AGBL1: variants seen among roughly 807,000 people sequenced by gnomAD.
The protein encoded by AGBL1 is AGBL carboxypeptidase 1, also known as cytosolic carboxypeptidase 4.
Under a neutral mutation model 118.9 loss-of-function variants are expected in AGBL1, and 130 were observed. That is an observed-to-expected ratio of 1.09 (90% CI 0.95 to 1.26). AGBL1 has a LOEUF of 1.26. Ranked by LOEUF, AGBL1 falls within the 50% of genes most tolerant of loss-of-function variation. AGBL1 has a pLI of 0.00. For missense variants in AGBL1, 1,584 were observed against 1,298.1 expected, an observed-to-expected ratio of 1.22 and a Z score of -3.38; for synonymous variants, 555 against 478.9, an observed-to-expected ratio of 1.16 and a Z score of -2.08.
At chr15:86,635,525 A>G in intron 21 of AGBL1, among the ~76,000 whole-genome samples, 1 of 151,804 alleles carries the variant, frequency 6.6e-6, no homozygotes, top group Non-Finnish European at 1.5e-5. Context: ...TAACAGACTC[A>G]GCTCAACAAG....
intron 24 of AGBL1, among the ~76,000 whole-genome samples, chr15:86,997,433 G>C (rs137960425): frequency 9.0e-4 from 137 of 152,174 alleles, no homozygotes; most frequent in African/African-American, 3.2e-3. Flanking sequence ...TTCAACATTT[G>C]TTTACATGTC....
chr15:86,166,488 T>C (rs796965778), intron 5 of AGBL1, among the ~76,000 whole-genome samples: 1 of 152,058 alleles, frequency 6.6e-6, no homozygotes, highest in East Asian at 1.9e-4. Flanking sequence ...CTTTGGAGAG[T>C]CTTCCTTGAA....
At chr15:86,117,847 C>T (rs1341909623) in intron 1 of AGBL1, among the ~76,000 whole-genome samples, 5 of 152,168 alleles carry the variant, frequency 3.3e-5, no homozygotes, top group Non-Finnish European at 5.9e-5. Flanking sequence ...AATCCAACCC[C>T]AGGACCTGTG....
intron 19 of AGBL1, among the ~76,000 whole-genome samples, chr15:86,527,315 G>T (rs903788378): frequency 6.6e-6 from 1 of 152,190 alleles, no homozygotes; most frequent in African/African-American, 2.4e-5. Context: ...TAATTGAAGA[G>T]CAGAACATTT....
At chr15:86,868,189 A>T (rs1425340078) in intron 22 of AGBL1, among the ~76,000 whole-genome samples, 2 of 152,244 alleles carry the variant, frequency 1.3e-5, no homozygotes, top group African/African-American at 4.8e-5. Context: ...ACATGAAAAA[A>T]TAGGCAAGAA....
intron 20 of AGBL1, among the ~76,000 whole-genome samples, chr15:86,553,524 G>A (rs1042079272): frequency 6.6e-6 from 1 of 152,204 alleles, no homozygotes; most frequent in Admixed American, 6.5e-5. Flanking sequence ...AGACGAAAAA[G>A]ATCATTCTGG....
At chr15:86,998,082 G>A (rs1035662266) in intron 24 of AGBL1, among the ~76,000 whole-genome samples, 1 of 152,146 alleles carries the variant, frequency 6.6e-6, no homozygotes, top group Non-Finnish European at 1.5e-5. Flanking sequence ...ATTGGGGATT[G>A]TGACAGGCAG....
Position 86,606,126 on chromosome 15 carries a change from CA to C in AGBL1, c.2994+51606del, listed in dbSNP as rs10675845. 2.2e-3 allele frequency among the ~76,000 whole-genome samples: 210 copies of C among 96,860 alleles called. 5 individuals are homozygous for C. Among genetic ancestry groups the C allele is most frequent in the African/African-American group, 8.4e-3 (194 of 23,194 alleles). The allele number at this position is 96,860 out of a possible 152,430, so 63.5% of individuals were successfully genotyped here. A position where few individuals can be genotyped will look rare whatever the true frequency, so the allele number is the denominator to read the frequency against. On this transcript the variant is annotated intron_variant, in intron 21 of 22. Coordinates refer to ENST00000614907, the MANE Select transcript of AGBL1 (RefSeq NM_001386094.1). ...TGGGTGACAGAGCAAGACTCCATCTCAAAAAAAAAAAAAAAAAGAGTAAAGA... is the reference window on the plus strand; with the variant it reads ...TGGGTGACAGAGCAAGACTCCATCTCAAAAAAAAAAAAAAAAGAGTAAAGA...
intron 19 of AGBL1, among the ~76,000 whole-genome samples, chr15:86,532,043 C>G (rs1216790252): frequency 6.6e-6 from 1 of 151,622 alleles, no homozygotes; most frequent in Non-Finnish European, 1.5e-5. Flanking sequence ...CCTTTGAAAA[C>G]TGGCACAAGA....
rs576738213 is a variant in AGBL1, at chr15:86,608,461, C to T, written c.2994+53924C>T. Reference sequence around the variant, plus strand: ...CGTTCTTTTTTCTCTGTTGATAAGACACTATGCAGAGAAATGTGGCTCAAA... The same window carrying T: ...CGTTCTTTTTTCTCTGTTGATAAGATACTATGCAGAGAAATGTGGCTCAAA... On this transcript the variant is annotated intron_variant, in intron 21 of 22. Coordinates refer to ENST00000614907, the MANE Select transcript of AGBL1 (RefSeq NM_001386094.1). 2.0e-5 allele frequency among the ~76,000 whole-genome samples: 3 copies of T among 152,258 alleles called. No homozygotes were observed. In the East Asian group the frequency reaches 5.8e-4, roughly 29 times the overall value.
At chr15:86,368,464 A>G (rs1344685922) in intron 17 of AGBL1, among the ~76,000 whole-genome samples, 1 of 152,246 alleles carries the variant, frequency 6.6e-6, no homozygotes, top group Non-Finnish European at 1.5e-5. Flanking sequence ...AAGTTACTAC[A>G]TTTAGGATGC....
intron 23 of AGBL1, among the ~76,000 whole-genome samples, chr15:86,980,732 T>C (rs936797776): frequency 6.6e-6 from 1 of 152,180 alleles, no homozygotes; most frequent in Non-Finnish European, 1.5e-5. Context: ...TCATTAAATA[T>C]TGAGTTCTCA....
At chr15:86,872,066 G>A (rs549528439) in intron 22 of AGBL1, among the ~76,000 whole-genome samples, 2 of 152,170 alleles carry the variant, frequency 1.3e-5, no homozygotes, top group South Asian at 2.1e-4. Flanking sequence ...AATTCCTATC[G>A]ATCAACAGAA....
intron 3 of AGBL1, among the ~76,000 whole-genome samples, chr15:86,149,458 A>G (rs901261884): frequency 6.6e-6 from 1 of 152,196 alleles, no homozygotes; most frequent in Non-Finnish European, 1.5e-5. Flanking sequence ...GGAAAGCAAA[A>G]AAAAGCAGGG....
intron 23 of AGBL1, among the ~76,000 whole-genome samples, chr15:86,983,379 A>G (rs2081250118): frequency 6.6e-6 from 1 of 152,228 alleles, no homozygotes; most frequent in South Asian, 2.1e-4. Flanking sequence ...CAAAGAATAT[A>G]TATGATGAGT....
At chr15:86,905,820 C>A (rs1224212309) in intron 22 of AGBL1, among the ~76,000 whole-genome samples, 1 of 152,188 alleles carries the variant, frequency 6.6e-6, no homozygotes, top group Non-Finnish European at 1.5e-5. Flanking sequence ...GCAGCTGGGG[C>A]AGCTCTTGCC....
chr15:86,664,943 C>T (rs920432574), intron 21 of AGBL1, among the ~76,000 whole-genome samples: 2 of 151,822 alleles, frequency 1.3e-5, no homozygotes, highest in African/African-American at 4.8e-5. Flanking sequence ...AGGTAATTTG[C>T]GGATTTTAAA....
chr15:86,431,114 C>G (rs2081930503), intron 18 of AGBL1, among the ~76,000 whole-genome samples: 1 of 152,014 alleles, frequency 6.6e-6, no homozygotes, highest in African/African-American at 2.4e-5. Flanking sequence ...TAGCAGTGAC[C>G]TTACTGATTG....
At chr15:86,872,866 A>C (rs2079749994) in intron 22 of AGBL1, among the ~76,000 whole-genome samples, 1 of 152,242 alleles carries the variant, frequency 6.6e-6, no homozygotes, top group South Asian at 2.1e-4. Context: ...ATTCAATAGC[A>C]GACTTAGTTA....
Sources: gnomAD v4.1 joint callset for allele counts (sites outside exome capture counted in the v4.1 genomes callset) on GRCh38, gnomAD v4.1.1 for gene constraint, MANE v1.5 for transcripts, NCBI Gene and HGNC (gene_info 2026-07-23, HGNC 2026-07-21) for gene names.